CNNM2: variants seen among roughly 807,000 people sequenced by gnomAD.
CNNM2 encodes the protein cyclin and CBS domain divalent metal cation transport mediator 2, also known as metal transporter CNNM2.
CNNM2 carries 12 observed loss-of-function variants against 66.9 expected under a neutral mutation model. That is an observed-to-expected ratio of 0.18 (90% confidence interval 0.11 to 0.29). The LOEUF (loss-of-function observed/expected upper bound fraction) is 0.29. Among genes scored for constraint, CNNM2 ranks in the 10% least tolerant of loss-of-function variants. The pLI is 1.00. For synonymous variants in CNNM2, 557 were observed against 501.8 expected (o/e 1.11, Z -1.47); for missense variants, 705 against 1,167.7 (o/e 0.60, Z 5.77).
chr10:103,031,886 G>T (rs938997277), intron 1 of CNNM2, among the ~76,000 whole-genome samples: 2 of 152,160 alleles, frequency 1.3e-5, no homozygotes, highest in African/African-American at 4.8e-5. Flanking sequence ...CCTCTTGTTT[G>T]CATATGCATA....
At chr10:103,076,846 C>T (rs776177400) in intron 7 of CNNM2, 125 bp from the exon 8 acceptor site, 4 of 826,366 alleles carry the variant, frequency 4.8e-6, no homozygotes, top group South Asian at 1.6e-5. Context: ...TGGCTCACTG[C>T]GCTCAAGTGT....
chr10:103,060,517 C>T (rs2065366772), intron 4 of CNNM2, among the ~76,000 whole-genome samples: 1 of 151,998 alleles, frequency 6.6e-6, no homozygotes, highest in Non-Finnish European at 1.5e-5. Flanking sequence ...TGCACTCCAG[C>T]CTGAGGGACA....
chr10:103,013,675 C>T (rs2064388523), intron 1 of CNNM2, among the ~76,000 whole-genome samples: 2 of 152,144 alleles, frequency 1.3e-5, no homozygotes, highest in South Asian at 4.1e-4. Context: ...GGAAAGTTTC[C>T]ATCTGGAGTA....
chr10:103,052,174 G>A (rs1319838694), intron 2 of CNNM2, among the ~76,000 whole-genome samples: 1 of 151,256 alleles, frequency 6.6e-6, no homozygotes, highest in African/African-American at 2.4e-5. Flanking sequence ...CCAGCTGCTC[G>A]GGAGGCTGAG....
At position 102,943,620 on chromosome 10, in the gene CNNM2, C is replaced by T. The variant is rs17115252; in HGVS notation, c.1621+23519C>T. ...AAAAAAAGTCAAGAGTACTCATTACCAACTACTACTGTATGGAATCCAGAG... is the reference window on the plus strand; with the variant it reads ...AAAAAAAGTCAAGAGTACTCATTACTAACTACTACTGTATGGAATCCAGAG... On this transcript the variant is annotated intron_variant, in intron 1 of 7. Coordinates refer to ENST00000369878, the MANE Select transcript of CNNM2 (RefSeq NM_017649.5). Among the ~76,000 whole-genome samples the T allele has an allele frequency of 0.015, 2,259 of 152,166 alleles. 58 individuals are homozygous for T. Among genetic ancestry groups the T allele is most frequent in the African/African-American group, 0.051 (2,105 of 41,486 alleles).
chr10:103,044,551 G>GAA (rs34595667), intron 1 of CNNM2, among the ~76,000 whole-genome samples: 4 of 143,726 alleles, frequency 2.8e-5, no homozygotes, highest in Non-Finnish European at 3.1e-5. Flanking sequence ...CCCTGTCTCA[G>GAA]AAAAAAAAAA....
At chr10:102,957,119 T>G (rs979925070) in intron 1 of CNNM2, among the ~76,000 whole-genome samples, 1 of 151,906 alleles carries the variant, frequency 6.6e-6, no homozygotes, top group Non-Finnish European at 1.5e-5. Context: ...CTGGCCAACA[T>G]GGTGAAACCC....
intron 4 of CNNM2, among the ~76,000 whole-genome samples, chr10:103,063,671 A>T (rs984849081): frequency 1.3e-5 from 2 of 152,220 alleles, no homozygotes; most frequent in Non-Finnish European, 2.9e-5. Flanking sequence ...CAGGAAGCCA[A>T]CTTTGCTGGT....
At chr10:103,003,985 ATTTTTTTTTTTTT>A (rs869152743) in intron 1 of CNNM2, among the ~76,000 whole-genome samples, 3 of 83,968 alleles carry the variant, frequency 3.6e-5, no homozygotes, top group African/African-American at 9.6e-5. Context: ...CATTGCATGA[ATTTTTTTTTTTTT>A]TTTTTTTTTT....
chr10:102,938,338 AGAG>A (rs1339121305), intron 1 of CNNM2, among the ~76,000 whole-genome samples: 1 of 150,386 alleles, frequency 6.6e-6, no homozygotes, highest in African/African-American at 2.4e-5. Flanking sequence ...CAGCTACTCG[AGAG>A]GCTGAGGCAG....
chr10:102,925,674 A>G (rs1313022031), intron 1 of CNNM2, among the ~76,000 whole-genome samples: 2 of 152,222 alleles, frequency 1.3e-5, no homozygotes, highest in East Asian at 3.8e-4. Context: ...AGCATCATTG[A>G]AAAAACAAAT....
chr10:102,951,457 A>G (rs1590298309), intron 1 of CNNM2, among the ~76,000 whole-genome samples: 1 of 152,076 alleles, frequency 6.6e-6, no homozygotes, highest in Admixed American at 6.6e-5. Context: ...TTGGCCTCCC[A>G]AAGTGCTGGG....
At chr10:102,973,973 T>C (rs2063586782) in intron 1 of CNNM2, among the ~76,000 whole-genome samples, 3 of 152,240 alleles carry the variant, frequency 2.0e-5, no homozygotes, top group Admixed American at 2.0e-4. Context: ...ATGCAATTGC[T>C]GCTGGTATAA....
intron 1 of CNNM2, among the ~76,000 whole-genome samples, chr10:103,048,942 A>T (rs2065173882): frequency 6.6e-6 from 1 of 151,924 alleles, no homozygotes; most frequent in Non-Finnish European, 1.5e-5. Flanking sequence ...TGCAGCCTCG[A>T]ACTCCTGGAT....
intron 1 of CNNM2, among the ~76,000 whole-genome samples, chr10:102,974,403 G>A (rs1298424396): frequency 6.6e-6 from 1 of 152,186 alleles, no homozygotes; most frequent in African/African-American, 2.4e-5. Context: ...AGTTGCATAA[G>A]TAAGCACAGG....
At chr10:103,005,181 T>C (rs372721431) in intron 1 of CNNM2, among the ~76,000 whole-genome samples, 1 of 151,810 alleles carries the variant, frequency 6.6e-6, no homozygotes, top group East Asian at 1.9e-4. Context: ...CCCAAAGTGA[T>C]AGGATTACAG....
intron 4 of CNNM2, among the ~76,000 whole-genome samples, chr10:103,061,969 A>G (rs1308095563): frequency 2.0e-5 from 3 of 152,224 alleles, no homozygotes; most frequent in South Asian, 4.1e-4. Context: ...CAAATTTTTA[A>G]CTGAATGGTA....
At chr10:102,953,301 G>C (rs895861306) in intron 1 of CNNM2, among the ~76,000 whole-genome samples, 9 of 152,238 alleles carry the variant, frequency 5.9e-5, no homozygotes, top group African/African-American at 2.2e-4. Flanking sequence ...CTGTCGCCCA[G>C]GCTGGAGTGC....
Position 103,088,974 on chromosome 10 carries a change from TAAG to T in CNNM2, c.*11798_*11800del, listed in dbSNP as rs1163565006. The T allele has an allele frequency of 1.9e-5, 4 of 208,978 alleles. No individual in the cohort carries two copies. The highest frequency in any genetic ancestry group is 2.3e-5 in the African/African-American group (1 of 43,970). The allele number at this position is 208,978 out of a possible 1,614,324, so 12.9% of individuals were successfully genotyped here. A position where few individuals can be genotyped will look rare whatever the true frequency, so the allele number is the denominator to read the frequency against. ...ATTCTTTCTATAGATTTATCACAGATAAGAAGGAGGTTGTTTTTGGATAACAAA... is the reference window on the plus strand; with the variant it reads ...ATTCTTTCTATAGATTTATCACAGATAAGGAGGTTGTTTTTGGATAACAAA... On this transcript the variant is annotated 3_prime_UTR_variant, in exon 8 of 8. Transcript: ENST00000369878.
Sources: allele counts gnomAD v4.1 joint callset (sites outside exome capture counted in the v4.1 genomes callset), GRCh38; gene constraint gnomAD v4.1.1; transcripts MANE v1.5; gene names NCBI Gene and HGNC (gene_info 2026-07-23, HGNC 2026-07-21).